Variants in MYCBPAP observed in about 807,000 individuals in gnomAD.
The protein encoded by MYCBPAP is MYCBP-associated protein.
Under a neutral mutation model 106.1 loss-of-function variants are expected in MYCBPAP, and 60 were observed. That is an observed-to-expected ratio of 0.57 (90% CI 0.46 to 0.70). The LOEUF (loss-of-function observed/expected upper bound fraction) is 0.70. Ranked by LOEUF, MYCBPAP falls within the 30% of genes least tolerant of loss-of-function variation. The probability of loss-of-function intolerance (pLI) is 0.00; values close to 1 mark genes in which losing one functional copy is unlikely to be tolerated. For missense variants in MYCBPAP, 1,064 were observed against 1,169.3 expected (o/e 0.91, Z 1.31); for synonymous variants, 407 against 440.6 (o/e 0.92, Z 0.95).
chr17:50,523,259 A>C, intron 11 of MYCBPAP, 131 bp downstream of exon 11: 5 of 921,970 alleles, frequency 5.4e-6, no homozygotes, highest in Non-Finnish European at 8.2e-6. Context: ...TGTCCCTCTC[A>C]TTCCTTCTGT....
chr17:50,518,752 C>T (rs548325164), intron 5 of MYCBPAP, 28 bp downstream of exon 5: 43 of 1,552,766 alleles, frequency 2.8e-5, no homozygotes, highest in Middle Eastern at 4.0e-4. Context: ...GGCTCCCGCC[C>T]GGCCTCCATC....
intron 1 of MYCBPAP, chr17:50,509,327 T>A: frequency 1.7e-6 from 1 of 592,610 alleles, no homozygotes; most frequent in African/African-American, 1.9e-5. Flanking sequence ...ATGACACTTA[T>A]CCAGCTCCTT....
chr17:50,522,953 T>G lies in MYCBPAP; in HGVS notation c.1272T>G (p.Ile424Met). The G allele has an allele frequency of 6.2e-7, 1 of 1,610,592 alleles. No individual in the cohort carries two copies. The highest frequency in any genetic ancestry group is 8.5e-7 in the Non-Finnish European group (1 of 1,177,174). ...CCTCCTTCCAGAGGCAGGTTGGGAT[T>G]GCTGCTCACTTGACCTTTGAAACCC... ...SNPQDKRQVGIAAHLTFETLE... is the reference protein window; with the variant it reads ...SNPQDKRQVGMAAHLTFETLE... The change falls in exon 11 of 19, where the codon ATT (isoleucine) becomes ATG (methionine). Residue 424 changes from isoleucine (I) to methionine (M), a missense_variant. Coordinates refer to ENST00000323776, the MANE Select transcript of MYCBPAP (RefSeq NM_032133.6).
Position 50,531,385 on chromosome 17 carries a change from G to A in MYCBPAP, c.2783G>A (p.Ser928Asn), listed in dbSNP as rs761231332. The A allele has an allele frequency of 4.3e-6, 7 of 1,613,676 alleles. No homozygotes were observed. Among genetic ancestry groups the A allele is most frequent in the Non-Finnish European group, 5.1e-6 (6 of 1,179,864 alleles). ...TDLMVLADEL[S>N]PIKNVEEALR... The stretch of plus-strand genomic sequence containing the variant: ...CTGATGGTCCTGGCTGATGAGCTCA[G>A]CCCCATAAAGAATGTCGAGGAGGCT... The change falls in exon 19 of 19, where the codon AGC becomes AAC. Residue 928 changes from serine (S) to asparagine (N), a missense_variant. Physicochemically the swap from Ser to Asn is conservative, Grantham distance 46. Transcript: ENST00000323776.
intron 14 of MYCBPAP, among the ~76,000 whole-genome samples, 179 bp downstream of exon 14, chr17:50,526,446 C>T (rs555737095): frequency 8.2e-4 from 74 of 90,564 alleles, no homozygotes; most frequent in African/African-American, 3.1e-3. Flanking sequence ...ATTTTTGAGA[C>T]GAAGTTTTGC....
chr17:50,516,996 A>G (rs919787578), intron 2 of MYCBPAP, among the ~76,000 whole-genome samples: 2 of 152,222 alleles, frequency 1.3e-5, no homozygotes, highest in Admixed American at 6.5e-5. Context: ...TTAAGGAGCC[A>G]AGGTACAGCT....
rs532512525 is a variant in MYCBPAP, at chr17:50,519,148, G to T, written c.768+59G>T. The T allele has an allele frequency of 2.5e-6, 3 of 1,206,418 alleles. No individual in the cohort carries two copies. In the South Asian group the frequency reaches 3.9e-5, roughly 16 times the overall value. 74.7% of individuals were successfully genotyped at this position (1,206,418 alleles called of 1,614,324 possible). A position where few individuals can be genotyped will look rare whatever the true frequency, so the allele number is the denominator to read the frequency against. On this transcript the variant is annotated intron_variant, in intron 6 of 18. Transcript: ENST00000323776. ...GGGGGTCCATGGAGGAGGGGGCGGG[G>T]GCAGGTGTCTGGACACAGGGATGCT...
rs2033736904 is a variant in MYCBPAP, at chr17:50,509,372, C to T, written c.76+622C>T. On this transcript the variant is annotated intron_variant, in intron 1 of 18. Transcript: ENST00000323776. ...AAGAATCGCTAGATATGACTGCTTC[C>T]TACCCTCTACAGCTTTCTTCTGGTT... The T allele has an allele frequency of 5.6e-5, 29 of 522,278 alleles. 1 individual carries two copies. The South Asian group carries it at 5.9e-4, about 11-fold the overall frequency. 32.4% of individuals were successfully genotyped at this position (522,278 alleles called of 1,614,324 possible).
At chr17:50,517,723 A>G in intron 4 of MYCBPAP, 25 bp downstream of exon 4, 1 of 1,597,702 alleles carries the variant, frequency 6.3e-7, no homozygotes, top group Non-Finnish European at 8.6e-7. Flanking sequence ...AACTACCCGG[A>G]TGAGAGCAGT....
chr17:50,517,814 A>G, intron 4 of MYCBPAP, 116 bp downstream of exon 4: 2 of 836,856 alleles, frequency 2.4e-6, no homozygotes, highest in Non-Finnish European at 1.9e-6. Flanking sequence ...GTAGGTTTTG[A>G]GTCTGAGTTG....
Position 50,519,690 on chromosome 17 carries a change from G to T in MYCBPAP, c.819G>T (p.Glu273Asp). 6.2e-7 allele frequency: 1 copy of T among 1,614,146 alleles called. No homozygotes were observed. The highest frequency in any genetic ancestry group is 1.1e-5 in the South Asian group (1 of 91,080). ...GTCGACTGGAATACTTGGGAGATGA[G>T]ATGACAGGTCTGGTCATGACCAAGA... is the stretch of plus-strand genomic sequence containing the variant. ...FWSRLEYLGD[E>D]MTGLVMTKTK... Residue 273 changes from glutamate to aspartate, a missense_variant, in exon 7 of 19, where the codon GAG (glutamate) becomes GAT (aspartate). Transcript: ENST00000323776.
At chr17:50,511,821 G>A (rs1459656582) in intron 1 of MYCBPAP, among the ~76,000 whole-genome samples, 1 of 152,156 alleles carries the variant, frequency 6.6e-6, no homozygotes, top group African/African-American at 2.4e-5. Flanking sequence ...TCTTCCTGCA[G>A]GTCCTAAAAT....
chr17:50,522,709 A>AAAAATATATATATATATATATATATATAT, intron 10 of MYCBPAP: 2 of 50,000 alleles, frequency 4.0e-5, no homozygotes, highest in Non-Finnish European at 6.8e-5. Context: ...AAAAAAAAAA[A>AAAAATATATATATATATATATATATATAT]ATATATATAT....
intron 6 of MYCBPAP, 60 bp downstream of exon 6, chr17:50,519,149 G>C: frequency 8.5e-7 from 1 of 1,183,352 alleles, no homozygotes; most frequent in East Asian, 2.5e-5. Context: ...GGGGGCGGGG[G>C]CAGGTGTCTG....
chr17:50,525,659 C>CTCTTTTTTTTTTTTTTT (rs57947501), intron 13 of MYCBPAP, among the ~76,000 whole-genome samples: 9 of 131,388 alleles, frequency 6.8e-5, no homozygotes, highest in Admixed American at 1.6e-4. Flanking sequence ...GCTAATTTCT[C>CTCTTTTTTTTTTTTTTT]TTTTTTTTTT....
At chr17:50,520,025 T>C (rs2034203461) in intron 7 of MYCBPAP, 1 of 464,772 alleles carries the variant, frequency 2.2e-6, no homozygotes, top group South Asian at 3.1e-5. Flanking sequence ...TGCCGTCCAG[T>C]GTGGAGCCTT....
intron 2 of MYCBPAP, 99 bp from the exon 3 acceptor site, chr17:50,517,194 C>T: frequency 9.0e-7 from 1 of 1,105,902 alleles, no homozygotes. Context: ...GATCTGTCAG[C>T]CTTCAGGAAC....
intron 6 of MYCBPAP, 199 bp downstream of exon 6, chr17:50,519,288 G>A (rs2034170685): frequency 3.4e-6 from 2 of 593,834 alleles, no homozygotes; most frequent in Admixed American, 3.0e-5. Context: ...AGCCTGTGGT[G>A]ACCACACAGG....
At chr17:50,516,825 A>T in intron 2 of MYCBPAP, 128 bp downstream of exon 2, 1 of 1,007,182 alleles carries the variant, frequency 9.9e-7, no homozygotes, top group Non-Finnish European at 1.4e-6. Flanking sequence ...CCCACTGAAC[A>T]CAGATTCTTT....
Sources: allele counts gnomAD v4.1 joint callset (sites outside exome capture counted in the v4.1 genomes callset), GRCh38; gene constraint gnomAD v4.1.1; transcripts MANE v1.5; gene names NCBI Gene and HGNC (gene_info 2026-07-23, HGNC 2026-07-21).